Variants in MYO1D observed in about 807,000 individuals in gnomAD.
MYO1D encodes myosin ID.
In MYO1D, 83 loss-of-function variants were observed where a neutral mutation model predicts 122.0. That is an observed-to-expected ratio of 0.68 (90% CI 0.57 to 0.82). The LOEUF is 0.82. Ranked by LOEUF, MYO1D falls within the 40% of genes least tolerant of loss-of-function variation. MYO1D has a pLI of 0.00. For missense variants in MYO1D, 1,157 were observed against 1,269.5 expected, an observed-to-expected ratio of 0.91 and a Z score of 1.35; for synonymous variants, 464 against 446.9, an observed-to-expected ratio of 1.04 and a Z score of -0.48.
chr17:32,641,620 G>A (rs185331468), intron 19 of MYO1D, among the ~76,000 whole-genome samples: 13 of 152,240 alleles, frequency 8.5e-5, no homozygotes, highest in Non-Finnish European at 1.3e-4. Context: ...TTTAATGATC[G>A]CCATTCTAAC....
At chr17:32,498,529 C>G (rs929869580) in intron 21 of MYO1D, 1 of 152,196 alleles carries the variant, frequency 6.6e-6, no homozygotes. Context: ...ACCCCGGGCA[C>G]TGTGTCGGCA....
chr17:32,827,991 C>T (rs2090737631), intron 1 of MYO1D, among the ~76,000 whole-genome samples: 2 of 152,166 alleles, frequency 1.3e-5, no homozygotes, highest in Non-Finnish European at 2.9e-5. Context: ...ACACCAATGG[C>T]AAAAGCACAT....
At chr17:32,588,496 T>C (rs1289104055) in intron 21 of MYO1D, among the ~76,000 whole-genome samples, 3 of 152,182 alleles carry the variant, frequency 2.0e-5, no homozygotes, top group Admixed American at 6.5e-5. Flanking sequence ...AGCCTTAGTT[T>C]TTTTCATCCT....
chr17:32,547,357 A>G (rs1248551338), intron 21 of MYO1D, among the ~76,000 whole-genome samples: 1 of 152,250 alleles, frequency 6.6e-6, no homozygotes, highest in Non-Finnish European at 1.5e-5. Context: ...CATGATTTAA[A>G]TTAATCTGCA....
intron 20 of MYO1D, among the ~76,000 whole-genome samples, chr17:32,636,989 T>C (rs1443991493): frequency 1.3e-5 from 2 of 152,216 alleles, no homozygotes; most frequent in Non-Finnish European, 2.9e-5. Context: ...TTTACTACTG[T>C]AGTTAAACAT....
chr17:32,575,883 G>A (rs1390110994), intron 21 of MYO1D, among the ~76,000 whole-genome samples: 1 of 152,132 alleles, frequency 6.6e-6, no homozygotes, highest in African/African-American at 2.4e-5. Flanking sequence ...AGAAAACATG[G>A]GCTTTTAAAA....
chr17:32,812,420 G>A (rs2090580247), intron 1 of MYO1D, among the ~76,000 whole-genome samples: 2 of 152,204 alleles, frequency 1.3e-5, no homozygotes, highest in Admixed American at 1.3e-4. Flanking sequence ...GGTAAAAAAT[G>A]AGGACAAGAG....
chr17:32,653,848 G>C lies in MYO1D; in HGVS notation c.2590C>G (p.Arg864Gly). The C allele has an allele frequency of 6.2e-7, 1 of 1,612,726 alleles. No individual in the cohort carries two copies. The highest frequency in any genetic ancestry group is 8.5e-7 in the Non-Finnish European group (1 of 1,178,986). Reference sequence around the variant, plus strand: ...CTGGTTTAAGCTTGCCTTACCTTACGGACGTGACAGGAAAAGAGGACATTC... The same window carrying C: ...CTGGTTTAAGCTTGCCTTACCTTACCGACGTGACAGGAAAAGAGGACATTC... ...YMNVLFSCHVRKVNRFSKVED... is the reference protein window; with the variant it reads ...YMNVLFSCHVGKVNRFSKVED... The change falls in exon 19 of 22, where the codon CGT becomes GGT. Residue 864 changes from arginine (R) to glycine (G), a missense_variant. Physicochemically the swap from Arg to Gly is moderately radical, Grantham distance 125. Transcript: ENST00000318217.
chr17:32,718,339 AG>A (rs1286365731), intron 15 of MYO1D, among the ~76,000 whole-genome samples: 2 of 152,174 alleles, frequency 1.3e-5, no homozygotes, highest in Non-Finnish European at 2.9e-5. Context: ...ACCATAAATT[AG>A]TTTTGCCTGC....
At chr17:32,659,714 A>G (rs757626958) in intron 16 of MYO1D, among the ~76,000 whole-genome samples, 2 of 152,212 alleles carry the variant, frequency 1.3e-5, no homozygotes, top group Non-Finnish European at 1.5e-5. Flanking sequence ...ATAAGCATCT[A>G]TAGTTTTCTT....
chr17:32,674,728 C>T lies in MYO1D; in HGVS notation c.2122-15390G>A, dbSNP rs533461194. Among the ~76,000 whole-genome samples, 26 of 152,254 alleles carry T rather than the reference C, an allele frequency of 1.7e-4. 1 individual carries two copies. The highest frequency in any genetic ancestry group is 5.9e-4 in the Admixed American group (9 of 15,298). Reference sequence around the variant, plus strand: ...TATGAAGTCTGCTTCTACAGAGAAACGTAATCCATGTTTCCAGTTTTTGCT... The same window carrying T: ...TATGAAGTCTGCTTCTACAGAGAAATGTAATCCATGTTTCCAGTTTTTGCT... On this transcript the variant is annotated intron_variant, in intron 16 of 21. Transcript: ENST00000318217.
At position 32,539,618 on chromosome 17, in the gene MYO1D, T is replaced by C. The variant is rs911533345; in HGVS notation, c.2865-44703A>G. Among the ~76,000 whole-genome samples, 30 of 152,204 alleles carry C rather than the reference T, an allele frequency of 2.0e-4. 1 individual carries two copies. Among genetic ancestry groups the C allele is most frequent in the Admixed American group, 3.9e-4 (6 of 15,276 alleles). On this transcript the variant is annotated intron_variant, in intron 21 of 21. Coordinates refer to ENST00000318217, the MANE Select transcript of MYO1D (RefSeq NM_015194.3). Reference sequence around the variant, plus strand: ...GTAGTCTCTGCCTCTGTCTTCCCACTGCCTTCTCTGTGAGTGTTAAATCTC... The same window carrying C: ...GTAGTCTCTGCCTCTGTCTTCCCACCGCCTTCTCTGTGAGTGTTAAATCTC...
intron 21 of MYO1D, among the ~76,000 whole-genome samples, chr17:32,590,883 C>T (rs1416169889): frequency 6.6e-6 from 1 of 152,150 alleles, no homozygotes; most frequent in African/African-American, 2.4e-5. Context: ...TTTAGAGCTA[C>T]GGCCTTTAAA....
intron 14 of MYO1D, among the ~76,000 whole-genome samples, chr17:32,733,082 C>T (rs564665137): frequency 6.6e-6 from 1 of 152,308 alleles, no homozygotes; most frequent in East Asian, 1.9e-4. Context: ...TATGCTCGCT[C>T]ATTCACACTC....
intron 15 of MYO1D, among the ~76,000 whole-genome samples, chr17:32,713,036 A>T (rs1189084761): frequency 6.6e-6 from 1 of 152,238 alleles, no homozygotes; most frequent in African/African-American, 2.4e-5. Flanking sequence ...TTTTTCCATC[A>T]TGCAAAGTTG....
intron 16 of MYO1D, among the ~76,000 whole-genome samples, chr17:32,680,722 C>CT (rs1221777673): frequency 8.6e-5 from 13 of 151,890 alleles, no homozygotes; most frequent in Non-Finnish European, 1.9e-4. Context: ...CTAAAATTCT[C>CT]TTTTTTGGTT....
intron 21 of MYO1D, among the ~76,000 whole-genome samples, chr17:32,548,760 C>A (rs1166683988): frequency 6.7e-6 from 1 of 148,274 alleles, no homozygotes; most frequent in African/African-American, 2.5e-5. Flanking sequence ...GTTGCCCAGG[C>A]TGGAGTACAG....
chr17:32,792,327 T>C (rs754540906), intron 1 of MYO1D: 1 of 152,252 alleles, frequency 6.6e-6, no homozygotes, highest in Non-Finnish European at 1.5e-5. Flanking sequence ...TTCTGTTTCA[T>C]GGGTGTGGGT....
intron 21 of MYO1D, among the ~76,000 whole-genome samples, chr17:32,525,216 G>C (rs1032395941): frequency 2.0e-5 from 3 of 152,218 alleles, no homozygotes; most frequent in Non-Finnish European, 4.4e-5. Flanking sequence ...TCTGACCACT[G>C]CTCCAACGGT....
Sources: gnomAD v4.1 joint callset for allele counts (sites outside exome capture counted in the v4.1 genomes callset) on GRCh38, gnomAD v4.1.1 for gene constraint, MANE v1.5 for transcripts, NCBI Gene and HGNC (gene_info 2026-07-23, HGNC 2026-07-21) for gene names.